The following TENM2 variants were observed in gnomAD, a reference collection of about 807,000 sequenced individuals.
TENM2 encodes teneurin-2.
In TENM2, 52 loss-of-function variants were observed where a neutral mutation model predicts 245.2. That is an observed-to-expected ratio of 0.21 (90% CI 0.17 to 0.27). The LOEUF is 0.27. Among genes scored for constraint, TENM2 ranks in the 10% least tolerant of loss-of-function variants. The pLI is 1.00. For missense variants in TENM2, 3,046 were observed against 3,666.8 expected (o/e 0.83, Z 4.37); for synonymous variants, 1,363 against 1,438.9 (o/e 0.95, Z 1.19).
the TENM2 span, among the ~76,000 whole-genome samples, chr5:167,047,971 A>C: frequency 3.1e-5 from 4 of 127,164 alleles, no homozygotes; most frequent in Non-Finnish European, 5.1e-5. Flanking sequence ...AACAAACAAA[A>C]AACCTGTACA....
chr5:167,534,981 A>G (rs778677531), intron 2 of TENM2, among the ~76,000 whole-genome samples: 1 of 152,154 alleles, frequency 6.6e-6, no homozygotes, highest in Non-Finnish European at 1.5e-5. Context: ...TTAACACAGT[A>G]GTTCTAGGTT....
At chr5:167,396,355 T>G (rs1762052264) in intron 2 of TENM2, among the ~76,000 whole-genome samples, 1 of 152,064 alleles carries the variant, frequency 6.6e-6, no homozygotes, top group South Asian at 2.1e-4. Flanking sequence ...AATAAGCCAA[T>G]CTCAGAAGAA....
intron 2 of TENM2, among the ~76,000 whole-genome samples, chr5:167,449,682 G>A (rs1314141725): frequency 6.6e-6 from 1 of 151,254 alleles, no homozygotes; most frequent in African/African-American, 2.5e-5. Flanking sequence ...ATGGGGCCAG[G>A]TGCAGTGGCT....
chr5:167,945,325 G>A (rs1451897467), intron 3 of TENM2, among the ~76,000 whole-genome samples: 1 of 152,060 alleles, frequency 6.6e-6, no homozygotes, highest in African/African-American at 2.4e-5. Flanking sequence ...AGCACCCGGG[G>A]GGGGCACAGA....
At chr5:168,183,461 C>T (rs1031505649) in intron 13 of TENM2, among the ~76,000 whole-genome samples, 2 of 152,154 alleles carry the variant, frequency 1.3e-5, no homozygotes, top group African/African-American at 2.4e-5. Context: ...AACAAACTAA[C>T]TCCCAAGGCA....
rs867774865 is a variant in TENM2, at chr5:167,872,546, A to G, written c.503-3440A>G. Among the ~76,000 whole-genome samples the G allele has an allele frequency of 1.9e-3, 216 of 113,570 alleles. 1 individual carries two copies. Among genetic ancestry groups the G allele is most frequent in the Middle Eastern group, 8.9e-3 (2 of 224 alleles). 74.5% of individuals were successfully genotyped at this position (113,570 alleles called of 152,430 possible). ...AAAGAAAGAAAGAAAGAAAGAAAGA[A>G]AGAGAAAGAAAGAAAGAAAGAAAGA... On this transcript the variant is annotated intron_variant, in intron 2 of 28. Coordinates refer to ENST00000518659, the Ensembl canonical transcript of TENM2.
intron 2 of TENM2, among the ~76,000 whole-genome samples, chr5:167,425,147 A>G (rs957786829): frequency 6.6e-6 from 1 of 152,222 alleles, no homozygotes; most frequent in Non-Finnish European, 1.5e-5. Context: ...TAAATATGAG[A>G]GTTCAAAGTA....
At chr5:167,544,943 T>G (rs1432053972) in intron 2 of TENM2, among the ~76,000 whole-genome samples, 6 of 152,228 alleles carry the variant, frequency 3.9e-5, no homozygotes, top group African/African-American at 1.4e-4. Context: ...GCTTGTTTTT[T>G]TTAATATAGC....
rs189185012 is a variant in TENM2 at position 167,798,485 on chromosome 5, C to A, written c.503-77501C>A. On this transcript the variant is annotated intron_variant, in intron 2 of 28. Transcript: ENST00000518659. ...ACAGTATCAGGCATTTCACACTGCTCTTTAGGGAAGAAGGCTGGTGGGGCC... is the reference window on the plus strand; with the variant it reads ...ACAGTATCAGGCATTTCACACTGCTATTTAGGGAAGAAGGCTGGTGGGGCC... Among the ~76,000 whole-genome samples the A allele has an allele frequency of 4.4e-4, 67 of 152,288 alleles. 1 individual carries two copies. The highest frequency in any genetic ancestry group is 1.6e-3 in the African/African-American group (65 of 41,560).
intron 2 of TENM2, among the ~76,000 whole-genome samples, chr5:167,826,861 G>A (rs886551983): frequency 3.3e-5 from 5 of 152,226 alleles, no homozygotes; most frequent in Non-Finnish European, 5.9e-5. Flanking sequence ...AACCTGGCAC[G>A]TGCAATGGTT....
intron 10 of TENM2, among the ~76,000 whole-genome samples, chr5:168,118,859 CT>C (rs1231295345): frequency 1.3e-5 from 2 of 152,084 alleles, no homozygotes; most frequent in Non-Finnish European, 2.9e-5. Context: ...CTCGCCCTAT[CT>C]TTCTTCCTCT....
intron 2 of TENM2, among the ~76,000 whole-genome samples, chr5:167,711,479 C>T (rs1364042158): frequency 6.6e-6 from 1 of 152,198 alleles, no homozygotes; most frequent in African/African-American, 2.4e-5. Flanking sequence ...TCCTTTTCGG[C>T]CTGGACCCCT....
Position 168,165,650 on chromosome 5 carries a change from C to A in TENM2, c.2569+2893C>A, listed in dbSNP as rs1758194494. Among the ~76,000 whole-genome samples, 15 of 13,380 alleles carry A rather than the reference C, an allele frequency of 1.1e-3. 1 individual carries two copies. The highest frequency in any genetic ancestry group is 0.011 in the East Asian group (2 of 190). The allele number at this position is 13,380 out of a possible 152,430, so 8.8% of individuals were successfully genotyped here. On this transcript the variant is annotated intron_variant, in intron 13 of 28. Coordinates refer to ENST00000518659, the Ensembl canonical transcript of TENM2. ...CACAATTCAGGATCCCCCCCCCAACCCCCCCCCCCCCCCCGGCTGGCAGAG... is the reference window on the plus strand; with the variant it reads ...CACAATTCAGGATCCCCCCCCCAACACCCCCCCCCCCCCCGGCTGGCAGAG...
chr5:167,598,918 C>T (rs1288145660), intron 2 of TENM2, among the ~76,000 whole-genome samples: 1 of 152,132 alleles, frequency 6.6e-6, no homozygotes, highest in Non-Finnish European at 1.5e-5. Flanking sequence ...ATTAAGGGTT[C>T]TTTTGAACTT....
chr5:168,085,583 GC>G (rs1792378821), intron 7 of TENM2: 2 of 152,430 alleles, frequency 1.3e-5, no homozygotes, highest in Admixed American at 1.3e-4. Flanking sequence ...AGGGAAGCCA[GC>G]CCCCACTGGA....
intron 2 of TENM2, among the ~76,000 whole-genome samples, chr5:167,842,868 C>T (rs145728446): frequency 5.5e-4 from 84 of 152,250 alleles, no homozygotes; most frequent in African/African-American, 1.9e-3. Flanking sequence ...CACACTTAGC[C>T]GTGCTGGGCT....
chr5:167,729,967 C>G (rs1211880757), intron 2 of TENM2, among the ~76,000 whole-genome samples: 6 of 152,188 alleles, frequency 3.9e-5, no homozygotes, highest in East Asian at 3.8e-4. Flanking sequence ...ATAAAGAGAT[C>G]TATCTCTCTG....
At chr5:167,107,345 C>G in the TENM2 span, among the ~76,000 whole-genome samples, 1 of 151,842 alleles carries the variant, frequency 6.6e-6, no homozygotes, top group African/African-American at 2.4e-5. Context: ...AGAAAGAAAA[C>G]AAGTTGTACG....
intron 1 of TENM2, among the ~76,000 whole-genome samples, chr5:167,329,360 A>G (rs889603516): frequency 3.4e-5 from 5 of 147,950 alleles, no homozygotes; most frequent in Non-Finnish European, 7.4e-5. Flanking sequence ...CCTGGCTAAC[A>G]TGGTGAAACC....
Sources: allele counts gnomAD v4.1 joint callset (sites outside exome capture counted in the v4.1 genomes callset), GRCh38; gene constraint gnomAD v4.1.1; transcripts MANE v1.5; gene names NCBI Gene and HGNC (gene_info 2026-07-23, HGNC 2026-07-21).